Variants in GAPVD1 observed in about 807,000 individuals in gnomAD.
GAPVD1 encodes GTPase activating protein and VPS9 domains 1.
Under a neutral mutation model 155.5 loss-of-function variants are expected in GAPVD1, and 35 were observed. That is an observed-to-expected ratio of 0.23 (90% CI 0.17 to 0.30). The LOEUF (loss-of-function observed/expected upper bound fraction) is 0.30. GAPVD1 is among the 10% of genes least tolerant of loss of function. The pLI, the probability that GAPVD1 is intolerant of heterozygous loss-of-function variation, is 1.00. For synonymous variants in GAPVD1, 636 were observed against 619.7 expected, an observed-to-expected ratio of 1.03 and a Z score of -0.39; for missense variants, 1,429 against 1,775.7, an observed-to-expected ratio of 0.80 and a Z score of 3.51.
chr9:125,266,324 T>TTTTA (rs1439435716), intron 1 of GAPVD1, among the ~76,000 whole-genome samples: 1,711 of 140,800 alleles, frequency 0.012, 33 homozygotes, highest in African/African-American at 0.04. Flanking sequence ...ATTTTATTTT[T>TTTTA]TTTTTTTTAG....
chr9:125,337,903 TCA>T (rs1392362042), intron 17 of GAPVD1, among the ~76,000 whole-genome samples: 1 of 152,158 alleles, frequency 6.6e-6, no homozygotes, highest in Non-Finnish European at 1.5e-5. Context: ...TGAGATGGAG[TCA>T]CACTCTGTTG....
chr9:125,284,801 G>T (rs1837382943), intron 2 of GAPVD1, among the ~76,000 whole-genome samples: 1 of 152,146 alleles, frequency 6.6e-6, no homozygotes, highest in African/African-American at 2.4e-5. Flanking sequence ...AACCTGTATA[G>T]CATGTTACTG....
intron 19 of GAPVD1, among the ~76,000 whole-genome samples, chr9:125,343,317 T>G (rs1035946509): frequency 1.6e-4 from 25 of 152,114 alleles, no homozygotes; most frequent in Admixed American, 1.6e-3. Flanking sequence ...ACCCCTGGTC[T>G]AGAGGAAAGT....
In GAPVD1 at chr9:125,341,260, T is replaced by G. The variant is rs1483791106; in HGVS notation, c.2961T>G (p.Pro987=). 1 of 1,496,780 alleles carries G rather than the reference T, an allele frequency of 6.7e-7. No homozygotes were observed. Among genetic ancestry groups the G allele is most frequent in the East Asian group, 2.3e-5 (1 of 44,348 alleles). The allele number at this position is 1,496,780 out of a possible 1,614,324, so 92.7% of individuals were successfully genotyped here. A position where few individuals can be genotyped will look rare whatever the true frequency, so the allele number is the denominator to read the frequency against. Residue 987 remains proline, a synonymous_variant, in exon 18 of 28, where the codon CCT becomes CCG. Coordinates refer to ENST00000297933, the MANE Select transcript of GAPVD1 (RefSeq NM_001282680.3). ...WWRKRFVSAM[P]KAPIPFRKKE... Reference sequence around the variant, plus strand: ...GAAAACGTTTTGTTTCAGCCATGCCTAAAGGTAATTTTATAAAATATTAGA... The same window carrying G: ...GAAAACGTTTTGTTTCAGCCATGCCGAAAGGTAATTTTATAAAATATTAGA...
chr9:125,349,454 G>A lies in GAPVD1; in HGVS notation c.3234G>A (p.Ser1078=), dbSNP rs752463372. The A allele has an allele frequency of 1.2e-5, 20 of 1,613,328 alleles. No individual in the cohort carries two copies. The highest frequency in any genetic ancestry group is 2.7e-5 in the African/African-American group (2 of 74,820). The change falls in exon 21 of 28, where the codon TCG becomes TCA. Residue 1078 remains serine, a synonymous_variant. Coordinates refer to ENST00000297933, the MANE Select transcript of GAPVD1 (RefSeq NM_001282680.3). ...GTGACGAAGCACTGCAGAACATCTCGGCTGATGATCTCCCAGACTCTGCAA... is the reference window on the plus strand; with the variant it reads ...GTGACGAAGCACTGCAGAACATCTCAGCTGATGATCTCCCAGACTCTGCAA... The part of the protein sequence containing the change: ...SPRDEALQNI[S]ADDLPDSASQ...
intron 2 of GAPVD1, among the ~76,000 whole-genome samples, chr9:125,269,612 A>G (rs778780997): frequency 7.4e-5 from 11 of 149,266 alleles, no homozygotes; most frequent in Admixed American, 6.7e-5. Flanking sequence ...TTTAGTAGAG[A>G]CAAGGTTTCA....
intron 27 of GAPVD1, among the ~76,000 whole-genome samples, chr9:125,360,966 A>G (rs1361496219): frequency 1.3e-5 from 2 of 152,138 alleles, no homozygotes; most frequent in Non-Finnish European, 2.9e-5. Flanking sequence ...GGTTCAAGCA[A>G]TTCTCATGCC....
intron 1 of GAPVD1, among the ~76,000 whole-genome samples, chr9:125,266,324 T>TTTTATTTTA (rs1439435716): frequency 4.3e-4 from 60 of 140,852 alleles, no homozygotes; most frequent in African/African-American, 1.6e-3. Flanking sequence ...ATTTTATTTT[T>TTTTATTTTA]TTTTTTTTAG....
intron 3 of GAPVD1, among the ~76,000 whole-genome samples, chr9:125,297,621 G>A (rs944069340): frequency 1.3e-5 from 2 of 152,180 alleles, no homozygotes; most frequent in Non-Finnish European, 2.9e-5. Context: ...GGGTGGGATT[G>A]TAGGAGAGGA....
At chr9:125,347,507 C>G (rs565770797) in intron 20 of GAPVD1, among the ~76,000 whole-genome samples, 1 of 152,260 alleles carries the variant, frequency 6.6e-6, no homozygotes, top group South Asian at 2.1e-4. Context: ...GGGCAGATCA[C>G]TTGAGGCCAG....
In GAPVD1 at chr9:125,337,353, C is replaced by T; in HGVS notation, c.2639C>T (p.Thr880Ile). ...CCAAACTTTGGTTCCCATGTTTTAA[C>T]TCCAGCTGAAATGGAGGCATTCAAG... Reference protein sequence around the residue: ...RLPNFGSHVLTPAEMEAFKQR... With the variant: ...RLPNFGSHVLIPAEMEAFKQR... Residue 880 changes from threonine (T) to isoleucine (I), a missense_variant, in exon 17 of 28, where the codon ACT (threonine) becomes ATT (isoleucine). Thr to Ile is a moderately conservative substitution (Grantham distance 89, BLOSUM62 -1). Coordinates refer to ENST00000297933, the MANE Select transcript of GAPVD1 (RefSeq NM_001282680.3). The T allele has an allele frequency of 6.2e-7, 1 of 1,614,184 alleles. No homozygotes were observed. Among genetic ancestry groups the T allele is most frequent in the Non-Finnish European group, 8.5e-7 (1 of 1,180,048 alleles).
In GAPVD1 at chr9:125,346,830, C is replaced by T. The variant is rs755486707; in HGVS notation, c.3058C>T (p.Pro1020Ser). The change falls in exon 20 of 28, where the codon CCT (proline) becomes TCT (serine). Residue 1020 changes from proline to serine, a missense_variant. Pro to Ser is a moderately conservative substitution (Grantham distance 74). Around this residue, in one of 4 missense-constraint regions of GAPVD1, gnomAD observed 699 missense variants for 826.0 expected, o/e 0.85. Transcript: ENST00000297933. Reference protein sequence around the residue: ...RFSTLTDDPSPRLSAQAQVAE... With the variant: ...RFSTLTDDPSSRLSAQAQVAE... ...CCTTTCCCTTGCAGATGATCCCAGC[C>T]CTAGACTCAGTGCACAAGCTCAGGT... The T allele has an allele frequency of 6.2e-7, 1 of 1,613,922 alleles. No individual in the cohort carries two copies. Among genetic ancestry groups the T allele is most frequent in the South Asian group, 1.1e-5 (1 of 91,072 alleles).
At chr9:125,284,180 C>CTT (rs34335675) in intron 2 of GAPVD1, among the ~76,000 whole-genome samples, 2,278 of 92,570 alleles carry the variant, frequency 0.025, 187 homozygotes, top group African/African-American at 0.086. Context: ...CCCGCCAGAA[C>CTT]TTTTTTTTTT....
chr9:125,283,824 A>G (rs1837197008), intron 2 of GAPVD1, among the ~76,000 whole-genome samples: 2 of 152,056 alleles, frequency 1.3e-5, no homozygotes, highest in African/African-American at 4.8e-5. Flanking sequence ...AGAGGAGTTC[A>G]TTTAGATATA....
chr9:125,293,850 T>TATATATA (rs1839165489), intron 2 of GAPVD1, among the ~76,000 whole-genome samples: 1 of 42,866 alleles, frequency 2.3e-5, no homozygotes, highest in Non-Finnish European at 3.7e-5. Flanking sequence ...TAAAAATATA[T>TATATATA]TTTATATATA....
chr9:125,314,880 C>T lies in GAPVD1; in HGVS notation c.1602+2268C>T, dbSNP rs894645279. Among the ~76,000 whole-genome samples the T allele has an allele frequency of 8.0e-5, 12 of 150,548 alleles. No homozygotes were observed. The South Asian group carries it at 8.5e-4, about 11-fold the overall frequency. ...TCGGCTCACTGCGAGGTCCACCTCC[C>T]GGGTTCACGCCATTCTCCTGTCTCA... On this transcript the variant is annotated intron_variant, in intron 9 of 27. Coordinates refer to ENST00000297933, the MANE Select transcript of GAPVD1 (RefSeq NM_001282680.3).
At chr9:125,359,616 A>G (rs1379028254) in intron 26 of GAPVD1, 124 bp downstream of exon 26, 2 of 622,062 alleles carry the variant, frequency 3.2e-6, no homozygotes, top group East Asian at 2.8e-5. Context: ...TTTTCACTCT[A>G]TGTAATTCAG....
chr9:125,318,605 T>C (rs1486868082), intron 9 of GAPVD1, among the ~76,000 whole-genome samples: 1 of 152,226 alleles, frequency 6.6e-6, no homozygotes, highest in Non-Finnish European at 1.5e-5. Flanking sequence ...GGTGAATAGT[T>C]TAAGTTATCT....
chr9:125,308,203 T>C lies in GAPVD1; in HGVS notation c.1441+323T>C, dbSNP rs561682246. ...CTTTAAAACTATGTAGCCCTCAGCCTGGTGTGGTGGCACGTGCCTGTGGTC... is the reference window on the plus strand; with the variant it reads ...CTTTAAAACTATGTAGCCCTCAGCCCGGTGTGGTGGCACGTGCCTGTGGTC... On this transcript the variant is annotated intron_variant, in intron 8 of 27. Transcript: ENST00000297933. 766 of 373,072 alleles carry C rather than the reference T, an allele frequency of 2.1e-3. 1 individual carries two copies. Among genetic ancestry groups the C allele is most frequent in the Non-Finnish European group, 2.7e-3 (566 of 207,408 alleles). 23.1% of individuals were successfully genotyped at this position (373,072 alleles called of 1,614,324 possible). A position where few individuals can be genotyped will look rare whatever the true frequency, so the allele number is the denominator to read the frequency against.
Sources: allele counts gnomAD v4.1 joint callset (sites outside exome capture counted in the v4.1 genomes callset), GRCh38; gene constraint gnomAD v4.1.1; regional missense constraint gnomAD v4.1.1; transcripts MANE v1.5; gene names NCBI Gene and HGNC (gene_info 2026-07-23, HGNC 2026-07-21).